Variants in SEPTIN9 observed in about 807,000 individuals in gnomAD.
SEPTIN9 encodes septin-9.
A neutral mutation model predicts 56.6 loss-of-function variants in SEPTIN9; 13 were observed. The ratio of observed to expected loss-of-function variants is 0.23; its 90% CI spans 0.15 to 0.37. The LOEUF (loss-of-function observed/expected upper bound fraction) is 0.37, where lower values mean the gene tolerates loss of function less well. Among genes scored for constraint, SEPTIN9 ranks in the 10% least tolerant of loss-of-function variants. The pLI, the probability that SEPTIN9 is intolerant of heterozygous loss-of-function variation, is 1.00. For missense variants in SEPTIN9, 650 were observed against 823.1 expected, an observed-to-expected ratio of 0.79 and a Z score of 2.57; for synonymous variants, 332 against 334.1, an observed-to-expected ratio of 0.99 and a Z score of 0.07.
At chr17:77,454,729 G>A (rs1320656307) in intron 3 of SEPTIN9, among the ~76,000 whole-genome samples, 1 of 152,188 alleles carries the variant, frequency 6.6e-6, no homozygotes, top group Non-Finnish European at 1.5e-5. Context: ...TCAACCCTGG[G>A]AATCGCACAC....
intron 2 of SEPTIN9, among the ~76,000 whole-genome samples, chr17:77,322,359 C>T (rs562764823): frequency 3.3e-5 from 5 of 152,364 alleles, no homozygotes; most frequent in South Asian, 4.1e-4. Flanking sequence ...AGGGATGAAG[C>T]GGGGACCTCC....
At chr17:77,390,134 G>A (rs1426448661) in intron 2 of SEPTIN9, among the ~76,000 whole-genome samples, 1 of 151,902 alleles carries the variant, frequency 6.6e-6, no homozygotes, top group Admixed American at 6.6e-5. Context: ...GGCCTCCTCT[G>A]GAGCCTTTAC....
chr17:77,340,128 C>G (rs917476585), intron 2 of SEPTIN9, among the ~76,000 whole-genome samples: 1 of 150,900 alleles, frequency 6.6e-6, no homozygotes, highest in Admixed American at 6.6e-5. Flanking sequence ...CGTGCTTGGC[C>G]CTTTTTTGTT....
intron 2 of SEPTIN9, among the ~76,000 whole-genome samples, chr17:77,331,253 GT>G (rs765268841): frequency 1.5e-4 from 23 of 152,202 alleles, no homozygotes; most frequent in Non-Finnish European, 2.9e-4. Context: ...ACTTCAGCAT[GT>G]TTATAAAGTC....
At chr17:77,397,513 T>G (rs1003058920) in intron 2 of SEPTIN9, among the ~76,000 whole-genome samples, 1 of 152,092 alleles carries the variant, frequency 6.6e-6, no homozygotes, top group Admixed American at 6.5e-5. Flanking sequence ...AGACATGTCT[T>G]TTTGGGGGTC....
intron 2 of SEPTIN9, among the ~76,000 whole-genome samples, chr17:77,349,005 C>T (rs754534605): frequency 1.1e-4 from 16 of 152,176 alleles, no homozygotes; most frequent in South Asian, 6.2e-4. Context: ...ACTTGCTTCA[C>T]GGTTTTTGTA....
Position 77,498,690 on chromosome 17 carries a change from C to T in SEPTIN9, c.*32C>T, listed in dbSNP as rs1459951716. ...CCCTGCCCACCCCCGGGATCCTGCC[C>T]CCAAGTCATTTCCGTCCCCCCCCAG... On this transcript the variant is annotated 3_prime_UTR_variant, in exon 12 of 12. Coordinates refer to ENST00000427177, the MANE Select transcript of SEPTIN9 (RefSeq NM_001113491.2). The T allele has an allele frequency of 1.4e-6, 2 of 1,390,672 alleles. No homozygotes were observed. The highest frequency in any genetic ancestry group is 2.3e-5 in the African/African-American group (1 of 43,208). The allele number at this position is 1,390,672 out of a possible 1,614,324, so 86.1% of individuals were successfully genotyped here.
chr17:77,436,460 C>T lies in SEPTIN9; in HGVS notation c.721+33757C>T, dbSNP rs148974032. On this transcript the variant is annotated intron_variant, in intron 3 of 11. Transcript: ENST00000427177. The surrounding 1 kb of genome is among the most constrained non-coding windows in gnomAD (Gnocchi z 4.4). ...AAAGCAAAGAGCCTCACTTTCTCCCCGCAGATGGGACGGGGGCGGGGCTGG... is the reference window on the plus strand; with the variant it reads ...AAAGCAAAGAGCCTCACTTTCTCCCTGCAGATGGGACGGGGGCGGGGCTGG... Among the ~76,000 whole-genome samples, 1,514 of 152,030 alleles carry T rather than the reference C, an allele frequency of 1.0e-2. 30 individuals are homozygous for T. The highest frequency in any genetic ancestry group is 0.034 in the African/African-American group (1,428 of 41,434).
At position 77,389,996 on chromosome 17, in the gene SEPTIN9, C is replaced by T. The variant is rs149828129; in HGVS notation, c.77-12063C>T. On this transcript the variant is annotated intron_variant, in intron 2 of 11. Coordinates refer to ENST00000427177, the MANE Select transcript of SEPTIN9 (RefSeq NM_001113491.2). This position sits in a 1 kb window ranked among gnomAD's most constrained non-coding sequence, Gnocchi z 4.3. ...CCGCCTGGAATGACCCTGTGGCTGC[C>T]GGAACCAGGGGCACGCGGTAGATGA... Among the ~76,000 whole-genome samples, 9 of 152,064 alleles carry T rather than the reference C, an allele frequency of 5.9e-5. No individual in the cohort carries two copies. The highest frequency in any genetic ancestry group is 1.4e-4 in the African/African-American group (6 of 41,482).
chr17:77,290,429 T>G (rs2031489058), intron 1 of SEPTIN9, among the ~76,000 whole-genome samples: 1 of 151,818 alleles, frequency 6.6e-6, no homozygotes, highest in South Asian at 2.1e-4. Context: ...GGCTAATTTT[T>G]TGTATTTTTT....
At chr17:77,465,830 A>G (rs1048846929) in intron 3 of SEPTIN9, among the ~76,000 whole-genome samples, 7 of 151,680 alleles carry the variant, frequency 4.6e-5, no homozygotes, top group Non-Finnish European at 7.4e-5. Flanking sequence ...GTGGGAGGGG[A>G]GGGAGAGGGT....
chr17:77,493,367 A>T (rs1297108235), intron 10 of SEPTIN9: 1 of 460,872 alleles, frequency 2.2e-6, no homozygotes, highest in Non-Finnish European at 4.0e-6. Flanking sequence ...AGGCTCTTTC[A>T]TAGGCACCTG....
intron 3 of SEPTIN9, chr17:77,427,068 G>A (rs1042635302): frequency 5.9e-5 from 9 of 152,370 alleles, no homozygotes; most frequent in East Asian, 1.9e-4. Context: ...TGGACTGCTC[G>A]TGATTGGAGC....
chr17:77,373,273 G>T, intron 2 of SEPTIN9: 1 of 1,151,736 alleles, frequency 8.7e-7, no homozygotes, highest in Non-Finnish European at 1.1e-6. Flanking sequence ...TGATCCGCCC[G>T]GGAGGCGGGG....
chr17:77,322,093 C>A (rs1400763808), intron 2 of SEPTIN9, among the ~76,000 whole-genome samples: 1 of 152,222 alleles, frequency 6.6e-6, no homozygotes, highest in African/African-American at 2.4e-5. Context: ...CCTCGGGGAG[C>A]CTCGGGTTCG....
Position 77,499,347 on chromosome 17 carries a change from A to G in SEPTIN9, c.*689A>G, listed in dbSNP as rs1401353116. 3.4e-6 allele frequency: 2 copies of G among 590,318 alleles called. No individual in the cohort carries two copies. The highest frequency in any genetic ancestry group is 6.5e-6 in the Non-Finnish European group (2 of 305,912). 36.6% of individuals were successfully genotyped at this position (590,318 alleles called of 1,614,324 possible). ...ATGCGGGGACAGGCTGGAATGAGGG[A>G]GGCGTCTTCATCTCCCTGCCATCCC... On this transcript the variant is annotated 3_prime_UTR_variant, in exon 12 of 12. Coordinates refer to ENST00000427177, the MANE Select transcript of SEPTIN9 (RefSeq NM_001113491.2).
intron 10 of SEPTIN9, chr17:77,496,138 C>T (rs1041003428): frequency 6.6e-6 from 1 of 151,442 alleles, no homozygotes; most frequent in Non-Finnish European, 1.5e-5. Context: ...CAGTGATTCT[C>T]CTGCCTCAGC....
chr17:77,310,602 G>A lies in SEPTIN9; in HGVS notation c.76+3405G>A, dbSNP rs933001111. 6.6e-6 allele frequency among the ~76,000 whole-genome samples: 1 copy of A among 151,688 alleles called. No individual in the cohort carries two copies. The highest frequency in any genetic ancestry group is 2.4e-5 in the African/African-American group (1 of 41,244). On this transcript the variant is annotated intron_variant, in intron 2 of 11. Transcript: ENST00000427177. This position sits in a 1 kb window ranked among gnomAD's most constrained non-coding sequence, Gnocchi z 4.7. ...ACGTGTGTTTCCCCAGGTGGATTTGGCTGGGCTGTGGAGATGCGCTTCTCA... is the reference window on the plus strand; with the variant it reads ...ACGTGTGTTTCCCCAGGTGGATTTGACTGGGCTGTGGAGATGCGCTTCTCA...
chr17:77,390,880 G>A (rs1163013105), intron 2 of SEPTIN9, among the ~76,000 whole-genome samples: 1 of 152,222 alleles, frequency 6.6e-6, no homozygotes, highest in Non-Finnish European at 1.5e-5. Context: ...TGGGGGACAC[G>A]TTAGTGAAAG....
Sources: allele counts gnomAD v4.1 joint callset (sites outside exome capture counted in the v4.1 genomes callset), GRCh38; gene constraint gnomAD v4.1.1; non-coding constraint Gnocchi (gnomAD v3.1); transcripts MANE v1.5; gene names NCBI Gene and HGNC (gene_info 2026-07-23, HGNC 2026-07-21).